Variants in SCML2 observed in about 807,000 individuals in gnomAD.
SCML2 encodes sex comb on midleg-like protein 2.
SCML2 carries 6 observed loss-of-function variants against 48.4 expected under a neutral mutation model. The ratio of observed to expected loss-of-function variants is 0.12; its 90% CI spans 0.07 to 0.24. The LOEUF is 0.24. SCML2 is among the 10% of genes least tolerant of loss of function. The probability of loss-of-function intolerance (pLI) is 1.00; values close to 1 mark genes in which losing one functional copy is unlikely to be tolerated. For synonymous variants in SCML2, 181 were observed against 189.5 expected (o/e 0.95, Z 0.37); for missense variants, 377 against 528.2 (o/e 0.71, Z 2.81).
At chrX:18,256,314 T>C (rs1366087113) in intron 11 of SCML2, among the ~76,000 whole-genome samples, 1 of 110,711 alleles carries the variant, frequency 9.0e-6, no homozygotes, top group Non-Finnish European at 1.9e-5. Context: ...TAGCTGGGCA[T>C]GGTGGTGGGC....
intron 11 of SCML2, among the ~76,000 whole-genome samples, chrX:18,252,162 T>C (rs1217960030): frequency 8.9e-6 from 1 of 112,228 alleles, no homozygotes; most frequent in African/African-American, 3.2e-5. Flanking sequence ...TAGTCCCAGC[T>C]ACTCAGGAGG....
chrX:18,342,655 T>C (rs948919055), intron 1 of SCML2, among the ~76,000 whole-genome samples: 78 of 107,481 alleles, frequency 7.3e-4, no homozygotes, highest in African/African-American at 2.5e-3. Context: ...GAGGTTGTAG[T>C]GAGCCGAGAT....
rs1301661068 is a variant in SCML2, at chrX:18,246,801, G to A, written c.1598C>T (p.Ala533Val). The A allele has an allele frequency of 1.7e-6, 2 of 1,204,114 alleles. No individual in the cohort carries two copies. The highest frequency in any genetic ancestry group is 4.4e-5 in the Admixed American group (2 of 45,482). The change falls in exon 13 of 15, where the codon GCC (alanine) becomes GTC (valine). Residue 533 changes from alanine to valine, a missense_variant. Around this residue, in one of 3 missense-constraint regions of SCML2, gnomAD observed 299 missense variants for 425.5 expected, o/e 0.70. Transcript: ENST00000251900. Reference protein sequence around the residue: ...EGEPLFAGGSAIPKEENLSED... With the variant: ...EGEPLFAGGSVIPKEENLSED... ...TGAAAGATTCTCCTCTTTGGGAATG[G>A]CACTTCCCCCAGCAAACAATGGTTC...
chrX:18,327,844 A>G (rs1428426194), intron 3 of SCML2, among the ~76,000 whole-genome samples: 4 of 111,674 alleles, frequency 3.6e-5, no homozygotes, highest in African/African-American at 1.3e-4. Flanking sequence ...GGGGAAACAC[A>G]CAAAGCTCCA....
chrX:18,314,525 A>G (rs1295725514), intron 6 of SCML2, among the ~76,000 whole-genome samples: 2 of 112,052 alleles, frequency 1.8e-5, no homozygotes, highest in African/African-American at 6.5e-5. Context: ...ACAGCCTGAT[A>G]GTCATCACTA....
At chrX:18,252,217 C>T (rs1037106956) in intron 11 of SCML2, among the ~76,000 whole-genome samples, 19 of 112,332 alleles carry the variant, frequency 1.7e-4, no homozygotes, top group African/African-American at 6.1e-4. Context: ...GAGGTTGTGG[C>T]GAGCCAAGAT....
chrX:18,283,611 C>A (rs1046109917), intron 7 of SCML2, among the ~76,000 whole-genome samples: 3 of 112,279 alleles, frequency 2.7e-5, no homozygotes, highest in African/African-American at 9.7e-5. Context: ...AAAATCCATG[C>A]GGAAAAATGA....
chrX:18,266,530 A>C (rs1927263060), intron 7 of SCML2, among the ~76,000 whole-genome samples: 1 of 111,823 alleles, frequency 8.9e-6, no homozygotes, highest in African/African-American at 3.2e-5. Flanking sequence ...GTAAAAAGAG[A>C]TATGTTTAGT....
intron 1 of SCML2, among the ~76,000 whole-genome samples, chrX:18,335,831 C>T (rs1005060854): frequency 3.6e-5 from 4 of 112,212 alleles, no homozygotes. Context: ...GCAGAACCAA[C>T]AAACTGATCA....
At chrX:18,271,271 A>G (rs1177646151) in intron 7 of SCML2, among the ~76,000 whole-genome samples, 1 of 111,298 alleles carries the variant, frequency 9.0e-6, no homozygotes, top group Non-Finnish European at 1.9e-5. Context: ...ATGAGGAAAC[A>G]TAGGCTCTGT....
rs1252065516 is a variant in SCML2, at chrX:18,330,670, A to C, written c.23-15T>G. The C allele has an allele frequency of 9.4e-7, 1 of 1,065,878 alleles. No homozygotes were observed. The highest frequency in any genetic ancestry group is 1.3e-6 in the Non-Finnish European group (1 of 775,461). The allele number at this position is 1,065,878 out of a possible 1,213,427, so 87.8% of individuals were successfully genotyped here. A position where few individuals can be genotyped will look rare whatever the true frequency, so the allele number is the denominator to read the frequency against. On this transcript the variant is annotated splice_polypyrimidine_tract_variant and intron_variant, in intron 2 of 14. Coordinates refer to ENST00000251900, the MANE Select transcript of SCML2 (RefSeq NM_006089.3). ...ATCCATGGAATCTAATAAAAAAGAA[A>C]ATAGCAATACTGGGAGTCCACAGCA...
intron 7 of SCML2, among the ~76,000 whole-genome samples, chrX:18,274,104 C>T (rs979185579): frequency 1.8e-5 from 2 of 112,235 alleles, no homozygotes; most frequent in African/African-American, 6.5e-5. Context: ...CACACTGACC[C>T]TCCACTGAGC....
Position 18,330,625 on chromosome X carries a change from T to C in SCML2, c.53A>G (p.Glu18Gly). 1 of 1,174,030 alleles carries C rather than the reference T, an allele frequency of 8.5e-7. No homozygotes were observed. Among genetic ancestry groups the C allele is most frequent in the East Asian group, 3.1e-5 (1 of 32,755 alleles). Reference protein sequence around the residue: ...DSMDVKKENQEKTPQSSTSSV... With the variant: ...DSMDVKKENQGKTPQSSTSSV... Reference sequence around the variant, plus strand: ...AGATGTACTTGACTGAGGAGTTTTCTCTTGATTCTCCTTCTTGACATCCAT... The same window carrying C: ...AGATGTACTTGACTGAGGAGTTTTCCCTTGATTCTCCTTCTTGACATCCAT... Residue 18 changes from glutamate (E) to glycine (G), a missense_variant, in exon 3 of 15, where the codon GAG becomes GGG. By Grantham distance (98) the Glu-to-Gly change is moderately conservative. Around this residue, in one of 3 missense-constraint regions of SCML2, gnomAD observed 61 missense variants for 59.9 expected, o/e 1.02. Coordinates refer to ENST00000251900, the MANE Select transcript of SCML2 (RefSeq NM_006089.3).
chrX:18,307,062 T>C (rs1238098445), intron 6 of SCML2, among the ~76,000 whole-genome samples: 2 of 111,116 alleles, frequency 1.8e-5, no homozygotes, highest in African/African-American at 6.6e-5. Flanking sequence ...GCAGGTGGAT[T>C]GCTTGAGCTC....
chrX:18,295,957 C>CA (rs951047094), intron 7 of SCML2, among the ~76,000 whole-genome samples: 2 of 110,863 alleles, frequency 1.8e-5, no homozygotes, highest in Non-Finnish European at 3.8e-5. Context: ...AATACATCTT[C>CA]AAAAAAAAGA....
chrX:18,290,207 C>A (rs1196959077), intron 7 of SCML2, among the ~76,000 whole-genome samples: 2 of 111,895 alleles, frequency 1.8e-5, no homozygotes, highest in African/African-American at 6.5e-5. Context: ...CATGTTACCA[C>A]TGAGTTCCAA....
chrX:18,293,828 A>G (rs1054643606), intron 7 of SCML2, among the ~76,000 whole-genome samples: 1 of 112,498 alleles, frequency 8.9e-6, no homozygotes, highest in South Asian at 3.7e-4. Flanking sequence ...AATGGAAACC[A>G]AAAGTCAAAA....
At chrX:18,335,776 G>C (rs1391000613) in intron 1 of SCML2, among the ~76,000 whole-genome samples, 1 of 111,682 alleles carries the variant, frequency 9.0e-6, no homozygotes, top group Admixed American at 9.6e-5. Context: ...TCACAAGCTG[G>C]AAGACTCAAT....
intron 1 of SCML2, among the ~76,000 whole-genome samples, chrX:18,347,274 GTC>G (rs1418257294): frequency 9.2e-6 from 1 of 108,494 alleles, no homozygotes; most frequent in Non-Finnish European, 1.9e-5. Flanking sequence ...GTAAAACCCC[GTC>G]TCTACCAAAA....
Sources: gnomAD v4.1 joint callset for allele counts (sites outside exome capture counted in the v4.1 genomes callset) on GRCh38, gnomAD v4.1.1 for gene constraint, gnomAD v4.1.1 regional missense constraint, MANE v1.5 for transcripts, NCBI Gene and HGNC (gene_info 2026-07-23, HGNC 2026-07-21) for gene names.